The following TXNDC5 variants were observed in gnomAD, a reference collection of about 807,000 sequenced individuals.
TXNDC5 encodes the protein thioredoxin domain-containing protein 5.
TXNDC5 carries 44 observed loss-of-function variants against 52.6 expected under a neutral mutation model. That is an observed-to-expected ratio of 0.84 (90% CI 0.66 to 1.08). The LOEUF is 1.08. TXNDC5 is among the 50% of genes least tolerant of loss of function. TXNDC5 has a pLI of 0.00. For missense variants in TXNDC5, 600 were observed against 565.5 expected, an observed-to-expected ratio of 1.06 and a Z score of -0.62; for synonymous variants, 241 against 234.4, an observed-to-expected ratio of 1.03 and a Z score of -0.26.
intron 5 of TXNDC5, 112 bp downstream of exon 5, chr6:7,891,509 G>C: frequency 2.7e-6 from 2 of 752,924 alleles, no homozygotes; most frequent in East Asian, 5.7e-5. Flanking sequence ...ACACTAAATG[G>C]AATTAATAAA....
intron 2 of TXNDC5, among the ~76,000 whole-genome samples, chr6:7,903,369 A>C (rs1048163836): frequency 2.0e-5 from 3 of 152,256 alleles, no homozygotes; most frequent in African/African-American, 7.2e-5. Context: ...ACCAAAGACC[A>C]AGAATTCCAG....
chr6:7,902,872 C>T (rs34472577), intron 2 of TXNDC5, among the ~76,000 whole-genome samples: 4,250 of 152,270 alleles, frequency 0.028, 85 homozygotes, highest in African/African-American at 0.06. Context: ...ACATTTGTGA[C>T]TTTTTAAATT....
intron 7 of TXNDC5, among the ~76,000 whole-genome samples, chr6:7,886,852 G>A (rs570461859): frequency 1.1e-4 from 16 of 152,116 alleles, no homozygotes; most frequent in Non-Finnish European, 1.8e-4. Context: ...TGTCAGTGAC[G>A]GAGGCCAAGG....
intron 3 of TXNDC5, among the ~76,000 whole-genome samples, chr6:7,896,457 T>C (rs1295448611): frequency 6.6e-6 from 1 of 152,158 alleles, no homozygotes; most frequent in Non-Finnish European, 1.5e-5. Context: ...ACATTAAGTG[T>C]ATATTACTCA....
rs926190584 is a variant in TXNDC5, at chr6:7,882,998, AACACAC to A, written c.*140_*145del. The A allele has an allele frequency of 1.1e-5, 12 of 1,081,954 alleles. No homozygotes were observed. In the African/African-American group the frequency reaches 1.4e-4, roughly 13 times the overall value. The allele number at this position is 1,081,954 out of a possible 1,614,324, so 67.0% of individuals were successfully genotyped here. On this transcript the variant is annotated 3_prime_UTR_variant, in exon 10 of 10. Transcript: ENST00000379757. ...ATCTGTAGAGTGTGTTGGCTTGGAA[AACACAC>A]ACACAAAGAAGATACCTCACGCTTA... is the stretch of plus-strand genomic sequence containing the variant.
chr6:7,899,395 T>C (rs1760483410), intron 3 of TXNDC5, among the ~76,000 whole-genome samples, 181 bp downstream of exon 3: 1 of 152,226 alleles, frequency 6.6e-6, no homozygotes, highest in African/African-American at 2.4e-5. Context: ...CCAAAAAGTT[T>C]CTGTAAAAGT....
chr6:7,884,299 G>GT, intron 9 of TXNDC5, 60 bp downstream of exon 9: 2 of 1,603,802 alleles, frequency 1.2e-6, no homozygotes, highest in Non-Finnish European at 1.7e-6. Context: ...TTGAGGCACA[G>GT]TTCCCTTGGG....
intron 2 of TXNDC5, chr6:7,900,009 T>TTA (rs1220811005): frequency 6.1e-6 from 1 of 164,954 alleles, no homozygotes; most frequent in Non-Finnish European, 1.2e-5. Flanking sequence ...CAAGCTACTG[T>TTA]TATGCTTTCC....
At chr6:7,883,640 G>T (rs1230339209) in intron 9 of TXNDC5, among the ~76,000 whole-genome samples, 1 of 152,132 alleles carries the variant, frequency 6.6e-6, no homozygotes, top group Non-Finnish European at 1.5e-5. Flanking sequence ...TGCCCTGGTG[G>T]TCTGCAGACC....
At chr6:7,910,481 T>G in intron 1 of TXNDC5, 33 bp downstream of exon 1, 2 of 1,397,582 alleles carry the variant, frequency 1.4e-6, no homozygotes, top group Non-Finnish European at 1.9e-6. Context: ...AAGCGCCAAG[T>G]GCGGGGCAGG....
At chr6:7,906,557 A>AAAAAAAAAAAAC (rs1561816188) in intron 1 of TXNDC5, among the ~76,000 whole-genome samples, 3 of 133,454 alleles carry the variant, frequency 2.2e-5, no homozygotes, top group African/African-American at 1.1e-4. Flanking sequence ...AAAAAAAAAA[A>AAAAAAAAAAAAC]GAAAAACAGA....
intron 1 of TXNDC5, among the ~76,000 whole-genome samples, chr6:7,906,554 A>G (rs928683850): frequency 6.5e-4 from 95 of 146,584 alleles, no homozygotes; most frequent in African/African-American, 2.4e-3. Context: ...AAAAAAAAAA[A>G]AAAGAAAAAC....
chr6:7,907,165 C>CTTTTTTTTTTT (rs55914910), intron 1 of TXNDC5, among the ~76,000 whole-genome samples: 8 of 143,914 alleles, frequency 5.6e-5, no homozygotes, highest in African/African-American at 2.1e-4. Flanking sequence ...TTTTTTTTCC[C>CTTTTTTTTTTT]TTTTTTTTTT....
At chr6:7,889,636 TA>T (rs1318282650) in intron 5 of TXNDC5, 55 bp from the exon 6 acceptor site, 7 of 1,375,912 alleles carry the variant, frequency 5.1e-6, no homozygotes, top group Non-Finnish European at 7.2e-6. Flanking sequence ...ACCTTCTTGC[TA>T]ATGGGGCTAC....
intron 4 of TXNDC5, chr6:7,894,900 G>A (rs767056457): frequency 9.3e-5 from 92 of 985,304 alleles, no homozygotes; most frequent in Non-Finnish European, 1.1e-4. Context: ...TAGACTCGGC[G>A]TTTCTATAAG....
chr6:7,891,741 A>G lies in TXNDC5; in HGVS notation c.617-5T>C. 6.2e-7 allele frequency: 1 copy of G among 1,609,548 alleles called. No homozygotes were observed. Among genetic ancestry groups the G allele is most frequent in the Non-Finnish European group, 8.5e-7 (1 of 1,176,142 alleles). On this transcript the variant is annotated splice_region_variant and splice_polypyrimidine_tract_variant and intron_variant, in intron 4 of 9. Transcript: ENST00000379757. ...AGAACTTGATAAAGTGGTCGCCTGG[A>G]GTGGAGAGCCAAGGCAGAGACGGGG...
At chr6:7,887,681 A>T (rs1225942) in intron 7 of TXNDC5, among the ~76,000 whole-genome samples, 1 of 151,986 alleles carries the variant, frequency 6.6e-6, no homozygotes, top group Non-Finnish European at 1.5e-5. Context: ...CAGAGCCTCC[A>T]TGGGCTCCCT....
At chr6:7,895,966 C>T (rs1760356257) in intron 3 of TXNDC5, among the ~76,000 whole-genome samples, 1 of 152,196 alleles carries the variant, frequency 6.6e-6, no homozygotes, top group Non-Finnish European at 1.5e-5. Flanking sequence ...GCACTCCTGC[C>T]TGGGCAACAG....
At chr6:7,894,041 T>C (rs1365786433) in intron 4 of TXNDC5, among the ~76,000 whole-genome samples, 1 of 152,194 alleles carries the variant, frequency 6.6e-6, no homozygotes, top group Non-Finnish European at 1.5e-5. Context: ...AAAAATGGGA[T>C]GTGGTATAGA....
Sources: gnomAD v4.1 joint callset for allele counts (sites outside exome capture counted in the v4.1 genomes callset) on GRCh38, gnomAD v4.1.1 for gene constraint, MANE v1.5 for transcripts, NCBI Gene and HGNC (gene_info 2026-07-23, HGNC 2026-07-21) for gene names.